The following PTCHD4 variants were observed in gnomAD, a reference collection of about 807,000 sequenced individuals.
PTCHD4 encodes patched domain containing 4, also known as patched domain-containing protein 4.
In PTCHD4, 33 loss-of-function variants were observed where a neutral mutation model predicts 58.1. The observed-to-expected ratio is 0.57, with a 90% CI of 0.43 to 0.76. The LOEUF is 0.76. Ranked by LOEUF, PTCHD4 falls within the 30% of genes least tolerant of loss-of-function variation. The pLI is 0.00. For missense variants in PTCHD4, 1,058 were observed against 1,027.1 expected (o/e 1.03, Z -0.41); for synonymous variants, 478 against 409.6 (o/e 1.17, Z -2.02).
chr6:48,100,688 A>G (rs1194698953), intron 1 of PTCHD4, among the ~76,000 whole-genome samples: 1 of 152,172 alleles, frequency 6.6e-6, no homozygotes, highest in Non-Finnish European at 1.5e-5. Flanking sequence ...TGGAGAGATT[A>G]CTCTGATGCT....
intron 4 of PTCHD4, among the ~76,000 whole-genome samples, chr6:47,919,783 T>C (rs1280020583): frequency 2.0e-5 from 3 of 152,172 alleles, no homozygotes; most frequent in African/African-American, 7.2e-5. Flanking sequence ...GCAGGATATA[T>C]GTCTAACAAA....
intron 3 of PTCHD4, among the ~76,000 whole-genome samples, chr6:48,058,418 G>A (rs893010598): frequency 1.3e-5 from 2 of 152,168 alleles, no homozygotes; most frequent in African/African-American, 4.8e-5. Flanking sequence ...GACTGAGTGG[G>A]GGAAACTTAA....
At chr6:48,085,007 G>C (rs1326490908) in intron 1 of PTCHD4, among the ~76,000 whole-genome samples, 1 of 151,180 alleles carries the variant, frequency 6.6e-6, no homozygotes, top group African/African-American at 2.4e-5. Flanking sequence ...GCCTCCCAAA[G>C]TGCTGGGATT....
At chr6:47,989,479 G>A (rs544544614) in intron 4 of PTCHD4, among the ~76,000 whole-genome samples, 107 of 152,306 alleles carry the variant, frequency 7.0e-4, no homozygotes, top group African/African-American at 2.5e-3. Flanking sequence ...AGGAAATAGT[G>A]GTTTCGTGGA....
intron 4 of PTCHD4, among the ~76,000 whole-genome samples, chr6:47,997,214 G>A (rs538519662): frequency 9.9e-5 from 15 of 151,918 alleles, no homozygotes; most frequent in East Asian, 7.7e-4. Context: ...GTTTTCATTC[G>A]ATGAAGTGAG....
intron 3 of PTCHD4, among the ~76,000 whole-genome samples, chr6:48,060,203 A>G (rs1764571254): frequency 6.6e-6 from 1 of 152,186 alleles, no homozygotes; most frequent in Non-Finnish European, 1.5e-5. Context: ...TCTTACCCAC[A>G]CGATGTCTGT....
chr6:48,020,523 G>C (rs983886781), intron 3 of PTCHD4, among the ~76,000 whole-genome samples: 1 of 149,830 alleles, frequency 6.7e-6, no homozygotes, highest in East Asian at 2.1e-4. Flanking sequence ...GGCAAAAACC[G>C]TAATTACTTT....
At chr6:47,920,368 T>C (rs1765392399) in intron 4 of PTCHD4, among the ~76,000 whole-genome samples, 1 of 152,150 alleles carries the variant, frequency 6.6e-6, no homozygotes, top group Non-Finnish European at 1.5e-5. Flanking sequence ...TCATTAGCTG[T>C]AGGGTGGGGG....
At chr6:47,959,585 A>C (rs1386253165) in intron 4 of PTCHD4, among the ~76,000 whole-genome samples, 1 of 152,202 alleles carries the variant, frequency 6.6e-6, no homozygotes, top group Non-Finnish European at 1.5e-5. Flanking sequence ...TGAAAGGAAC[A>C]TGATGAAAAC....
intron 3 of PTCHD4, among the ~76,000 whole-genome samples, chr6:48,018,219 C>T (rs1198036026): frequency 6.6e-6 from 1 of 152,194 alleles, no homozygotes; most frequent in Non-Finnish European, 1.5e-5. Context: ...ATTTCTGCTA[C>T]TATACCGCCG....
At chr6:48,027,107 G>A (rs1287187045) in intron 3 of PTCHD4, among the ~76,000 whole-genome samples, 2 of 152,034 alleles carry the variant, frequency 1.3e-5, no homozygotes, top group African/African-American at 4.8e-5. Context: ...GTTTATACAT[G>A]TGTATGTATA....
chr6:47,971,111 G>A (rs911485208), intron 4 of PTCHD4, among the ~76,000 whole-genome samples: 3 of 152,064 alleles, frequency 2.0e-5, no homozygotes, highest in South Asian at 2.1e-4. Flanking sequence ...CAAGATTTTC[G>A]AGGAGAGCCT....
At chr6:47,895,050 G>T (rs137970428) in intron 4 of PTCHD4, among the ~76,000 whole-genome samples, 43 of 152,172 alleles carry the variant, frequency 2.8e-4, no homozygotes, top group African/African-American at 1.0e-3. Flanking sequence ...CAGGAGAATC[G>T]CTTGAACCCA....
intron 1 of PTCHD4, among the ~76,000 whole-genome samples, chr6:48,098,086 A>T (rs1040353057): frequency 6.6e-6 from 1 of 152,112 alleles, no homozygotes; most frequent in Non-Finnish European, 1.5e-5. Flanking sequence ...GCCAGCCACA[A>T]TCACCCAAAC....
intron 4 of PTCHD4, among the ~76,000 whole-genome samples, chr6:48,001,423 G>C (rs929911760): frequency 6.6e-6 from 1 of 152,060 alleles, no homozygotes; most frequent in Non-Finnish European, 1.5e-5. Flanking sequence ...ATAGACCAAC[G>C]GAACAGAACA....
chr6:47,952,118 A>G (rs1766676975), intron 4 of PTCHD4, among the ~76,000 whole-genome samples: 1 of 152,156 alleles, frequency 6.6e-6, no homozygotes, highest in African/African-American at 2.4e-5. Context: ...ACAGAAATAA[A>G]TATTACAGAA....
chr6:48,007,934 GCGCA>G (rs765572905), intron 4 of PTCHD4, among the ~76,000 whole-genome samples: 48 of 53,016 alleles, frequency 9.1e-4, no homozygotes, highest in Middle Eastern at 0.011. Flanking sequence ...ATGTGCGCGC[GCGCA>G]CACACACACA....
chr6:47,936,533 T>G (rs1288769047), intron 4 of PTCHD4, among the ~76,000 whole-genome samples: 1 of 152,226 alleles, frequency 6.6e-6, no homozygotes, highest in Non-Finnish European at 1.5e-5. Context: ...TCCAACATAG[T>G]AATGGCAAAT....
intron 4 of PTCHD4, among the ~76,000 whole-genome samples, chr6:47,948,438 G>A (rs899964949): frequency 6.6e-6 from 1 of 152,154 alleles, no homozygotes; most frequent in African/African-American, 2.4e-5. Flanking sequence ...AAGGACGAGG[G>A]TCACAGAAGG....
Sources: gnomAD v4.1 joint callset for allele counts (sites outside exome capture counted in the v4.1 genomes callset) on GRCh38, gnomAD v4.1.1 for gene constraint, MANE v1.5 for transcripts, NCBI Gene and HGNC (gene_info 2026-07-23, HGNC 2026-07-21) for gene names.